The following TSNAX variants were observed in gnomAD, a reference collection of about 807,000 sequenced individuals.
The protein encoded by TSNAX is translin-associated protein X.
In TSNAX, 12 loss-of-function variants were observed where a neutral mutation model predicts 33.0. The ratio of observed to expected loss-of-function variants is 0.36; its 90% CI spans 0.23 to 0.59. The LOEUF (loss-of-function observed/expected upper bound fraction) is 0.59. Ranked by LOEUF, TSNAX falls within the 20% of genes least tolerant of loss-of-function variation. The pLI, the probability that TSNAX is intolerant of heterozygous loss-of-function variation, is 0.74. For synonymous variants in TSNAX, 110 were observed against 117.2 expected (o/e 0.94, Z 0.40); for missense variants, 267 against 341.3 (o/e 0.78, Z 1.72).
chr1:231,554,397 G>A (rs961957406), intron 4 of TSNAX, among the ~76,000 whole-genome samples: 1 of 152,134 alleles, frequency 6.6e-6, no homozygotes, highest in Non-Finnish European at 1.5e-5. Context: ...TGAGTCTCTT[G>A]TACATATGAG....
At chr1:231,532,087 C>CT in intron 2 of TSNAX, among the ~76,000 whole-genome samples, 1 of 124,864 alleles carries the variant, frequency 8.0e-6, no homozygotes, top group Non-Finnish European at 1.6e-5. Context: ...AAAAAAAAAA[C>CT]TAACTGAGGT....
chr1:231,552,156 G>A (rs901002942), intron 4 of TSNAX, among the ~76,000 whole-genome samples: 3 of 152,124 alleles, frequency 2.0e-5, no homozygotes, highest in African/African-American at 7.2e-5. Context: ...GCGACAGCAG[G>A]CACTTACAAT....
chr1:231,537,865 A>G (rs946902768), intron 3 of TSNAX, among the ~76,000 whole-genome samples: 5 of 152,232 alleles, frequency 3.3e-5, no homozygotes, highest in Admixed American at 2.0e-4. Context: ...CTGTGAAAAT[A>G]TATGATATAT....
Position 231,561,155 on chromosome 1 carries a change from CTT to C in TSNAX, c.398_399del (p.Phe133SerfsTer11), listed in dbSNP as rs1171856879. The C allele has an allele frequency of 1.2e-6, 2 of 1,611,076 alleles. No homozygotes were observed. Among genetic ancestry groups the C allele is most frequent in the Non-Finnish European group, 8.5e-7 (1 of 1,179,162 alleles). On this transcript the variant is annotated frameshift_variant, in exon 5 of 6. Coordinates refer to ENST00000366639, the MANE Select transcript of TSNAX (RefSeq NM_005999.3). LOFTEE classifies it high-confidence loss of function. ...CTACAGGAATATGTGGAAGCTGTCT[CTT>C]TTCAACACTTCATCAAAACACGATC...
chr1:231,561,655 C>G (rs1057438261), intron 5 of TSNAX, among the ~76,000 whole-genome samples: 13 of 152,116 alleles, frequency 8.5e-5, no homozygotes, highest in African/African-American at 3.1e-4. Context: ...TTGCCAGAAG[C>G]CACAACTAAA....
chr1:231,560,012 C>G (rs1660952147), intron 4 of TSNAX, among the ~76,000 whole-genome samples: 1 of 150,606 alleles, frequency 6.6e-6, no homozygotes, highest in Non-Finnish European at 1.5e-5. Context: ...ACGAGTCTCG[C>G]TCTGCCGCCT....
chr1:231,530,044 C>CA (rs1256903374), intron 2 of TSNAX, among the ~76,000 whole-genome samples: 2 of 152,224 alleles, frequency 1.3e-5, no homozygotes, highest in African/African-American at 4.8e-5. Flanking sequence ...CTTTTGCCTG[C>CA]AACCAGCTCT....
intron 2 of TSNAX, among the ~76,000 whole-genome samples, chr1:231,532,131 A>AC (rs1231238804): frequency 2.3e-5 from 2 of 85,148 alleles, no homozygotes; most frequent in Admixed American, 2.8e-4. Context: ...TAGTGGTAAT[A>AC]ACACACACAC....
At chr1:231,541,832 C>T (rs1659594973) in intron 3 of TSNAX, among the ~76,000 whole-genome samples, 2 of 152,228 alleles carry the variant, frequency 1.3e-5, no homozygotes. Flanking sequence ...CATGCCTGCA[C>T]TGATCAGTAC....
intron 3 of TSNAX, among the ~76,000 whole-genome samples, chr1:231,541,815 T>C (rs1222169558): frequency 6.6e-6 from 1 of 152,210 alleles, no homozygotes; most frequent in African/African-American, 2.4e-5. Context: ...CTTAGGTAGT[T>C]TCCTCACATG....
intron 4 of TSNAX, among the ~76,000 whole-genome samples, chr1:231,543,488 A>T (rs562886804): frequency 6.6e-6 from 1 of 152,242 alleles, no homozygotes; most frequent in South Asian, 2.1e-4. Context: ...GCATCGTGTC[A>T]GCACTCAAAA....
chr1:231,538,332 T>G (rs1393752153), intron 3 of TSNAX, among the ~76,000 whole-genome samples: 1 of 152,242 alleles, frequency 6.6e-6, no homozygotes, highest in Non-Finnish European at 1.5e-5. Flanking sequence ...TATTTTCTAT[T>G]ACAGTTGTAA....
At chr1:231,558,341 C>T (rs2124939037) in intron 4 of TSNAX, among the ~76,000 whole-genome samples, 1 of 152,236 alleles carries the variant, frequency 6.6e-6, no homozygotes, top group South Asian at 2.1e-4. Context: ...CACAGCAGAA[C>T]CAGGCAGAGA....
At chr1:231,540,482 CTAATT>C (rs1463764528) in intron 3 of TSNAX, among the ~76,000 whole-genome samples, 1 of 152,120 alleles carries the variant, frequency 6.6e-6, no homozygotes, top group Non-Finnish European at 1.5e-5. Context: ...ATACTGATTT[CTAATT>C]TAATTTCATG....
rs140143661 is a variant in TSNAX, at chr1:231,558,234, C to G, written c.368-2894C>G. 4.2e-3 allele frequency among the ~76,000 whole-genome samples: 636 copies of G among 152,262 alleles called. 13 individuals carry two copies. The highest frequency in any genetic ancestry group is 0.015 in the African/African-American group (606 of 41,516). ...GGAGGTGGCTTACTGGGAAGCCATT[C>G]TCTGGAGTACAAAAGAAGCTGTCCC... On this transcript the variant is annotated intron_variant, in intron 4 of 5. Transcript: ENST00000366639.
chr1:231,556,934 T>G (rs1185247953), intron 4 of TSNAX, among the ~76,000 whole-genome samples: 2 of 151,690 alleles, frequency 1.3e-5, no homozygotes, highest in African/African-American at 2.4e-5. Flanking sequence ...CCCTGTATTC[T>G]GAGCGCCATG....
chr1:231,555,593 G>A (rs963490141), intron 4 of TSNAX, among the ~76,000 whole-genome samples: 7 of 152,006 alleles, frequency 4.6e-5, no homozygotes, highest in African/African-American at 4.8e-5. Flanking sequence ...ACAATTAAAC[G>A]GAGAAAAAAT....
At chr1:231,530,016 G>A (rs1658565141) in intron 2 of TSNAX, among the ~76,000 whole-genome samples, 1 of 152,238 alleles carries the variant, frequency 6.6e-6, no homozygotes, top group Non-Finnish European at 1.5e-5. Context: ...AGGATCTACA[G>A]CTGTTGATAG....
At chr1:231,530,864 G>A (rs1441000002) in intron 2 of TSNAX, among the ~76,000 whole-genome samples, 2 of 150,590 alleles carry the variant, frequency 1.3e-5, no homozygotes, top group African/African-American at 2.4e-5. Context: ...CTCCAGCCCC[G>A]GCGACAGAAT....
Sources: allele counts gnomAD v4.1 joint callset (sites outside exome capture counted in the v4.1 genomes callset), GRCh38; gene constraint gnomAD v4.1.1; transcripts MANE v1.5; gene names NCBI Gene and HGNC (gene_info 2026-07-23, HGNC 2026-07-21).